TLL1: variants seen among roughly 807,000 people sequenced by gnomAD.
TLL1 encodes tolloid like 1, also known as tolloid-like protein 1.
Under a neutral mutation model 128.2 loss-of-function variants are expected in TLL1, and 49 were observed. The observed-to-expected ratio is 0.38, with a 90% CI of 0.30 to 0.48. The LOEUF (loss-of-function observed/expected upper bound fraction) is 0.48, where lower values mean the gene tolerates loss of function less well. Among genes scored for constraint, TLL1 ranks in the 20% least tolerant of loss-of-function variants. The pLI, the probability that TLL1 is intolerant of heterozygous loss-of-function variation, is 0.96. For missense variants in TLL1, 1,123 were observed against 1,242.0 expected, an observed-to-expected ratio of 0.90 and a Z score of 1.44; for synonymous variants, 454 against 418.8, an observed-to-expected ratio of 1.08 and a Z score of -1.03.
At chr4:165,969,527 C>G (rs1377283806) in intron 1 of TLL1, among the ~76,000 whole-genome samples, 1 of 151,998 alleles carries the variant, frequency 6.6e-6, no homozygotes, top group Non-Finnish European at 1.5e-5. Context: ...CGAATGGGTT[C>G]CAGTGTCTAG....
In TLL1 at chr4:166,103,862, C is replaced by A. The variant is rs1299610747; in HGVS notation, c.*2986C>A. On this transcript the variant is annotated 3_prime_UTR_variant, in exon 21 of 21. Coordinates refer to ENST00000061240, the MANE Select transcript of TLL1 (RefSeq NM_012464.5). ...CATAGAAAAAAAAAAAAACACTGTT[C>A]TCACTTGATTTTATTAAATTATTTT... is the stretch of plus-strand genomic sequence containing the variant. 1.4e-5 allele frequency: 2 copies of A among 147,846 alleles called. No individual in the cohort carries two copies. The highest frequency in any genetic ancestry group is 5.0e-5 in the African/African-American group (2 of 40,374). 9.2% of individuals were successfully genotyped at this position (147,846 alleles called of 1,614,324 possible). A position where few individuals can be genotyped will look rare whatever the true frequency, so the allele number is the denominator to read the frequency against.
At chr4:166,057,457 G>C in intron 14 of TLL1, 148 bp downstream of exon 14, 1 of 1,241,094 alleles carries the variant, frequency 8.1e-7, no homozygotes, top group Non-Finnish European at 1.1e-6. Context: ...AGTCACAGCT[G>C]ATGTGAAACC....
At chr4:165,978,676 G>A (rs1480164933) in intron 1 of TLL1, among the ~76,000 whole-genome samples, 1 of 152,082 alleles carries the variant, frequency 6.6e-6, no homozygotes, top group African/African-American at 2.4e-5. Flanking sequence ...TGTCTTTGTG[G>A]CTATGCCACC....
chr4:166,024,777 A>G (rs1031392613), intron 8 of TLL1, among the ~76,000 whole-genome samples: 2 of 152,112 alleles, frequency 1.3e-5, no homozygotes, highest in Non-Finnish European at 2.9e-5. Context: ...TGAATCTTCC[A>G]TGATGTTTAT....
intron 19 of TLL1, among the ~76,000 whole-genome samples, chr4:166,093,359 C>T (rs547170798): frequency 1.3e-5 from 2 of 152,254 alleles, no homozygotes; most frequent in South Asian, 4.1e-4. Context: ...CAATTAAGTT[C>T]AAGGGGAGGT....
intron 1 of TLL1, among the ~76,000 whole-genome samples, chr4:165,917,088 A>T (rs1021945466): frequency 1.3e-5 from 2 of 152,216 alleles, no homozygotes; most frequent in South Asian, 4.1e-4. Context: ...TTTTCAATTC[A>T]CAAGTACCTA....
intron 11 of TLL1, among the ~76,000 whole-genome samples, chr4:166,042,418 C>G (rs982151264): frequency 2.6e-5 from 4 of 152,146 alleles, no homozygotes; most frequent in African/African-American, 9.7e-5. Flanking sequence ...TTAATTGTTT[C>G]ATGATAGTTT....
At chr4:166,079,743 C>T (rs1218031562) in intron 18 of TLL1, among the ~76,000 whole-genome samples, 1 of 152,026 alleles carries the variant, frequency 6.6e-6, no homozygotes, top group Non-Finnish European at 1.5e-5. Context: ...TCATATAATT[C>T]ATCTGTGCCA....
At chr4:166,017,556 C>T (rs1196442321) in intron 8 of TLL1, among the ~76,000 whole-genome samples, 5 of 152,264 alleles carry the variant, frequency 3.3e-5, no homozygotes, top group East Asian at 3.9e-4. Flanking sequence ...TTCCTAACAA[C>T]AGTGTGTAAG....
At position 165,931,718 on chromosome 4, in the gene TLL1, C is replaced by CAAAAGAAAAAAAAAAA. The variant is rs1554007919; in HGVS notation, c.170-57648_170-57647insAAAAAGAAAAAAAAAA. ...TGGGCGACAGAGTAAGACTCTGTCT[C>CAAAAGAAAAAAAAAAA]AAAAGAAAAAAAAAAGAAATTGCAA... On this transcript the variant is annotated intron_variant, in intron 1 of 20. Coordinates refer to ENST00000061240, the MANE Select transcript of TLL1 (RefSeq NM_012464.5). Among the ~76,000 whole-genome samples the CAAAAGAAAAAAAAAAA allele has an allele frequency of 6.7e-5, 9 of 133,542 alleles. No homozygotes were observed. The South Asian group carries it at 7.7e-4, about 11-fold the overall frequency. 87.6% of individuals were successfully genotyped at this position (133,542 alleles called of 152,430 possible).
At chr4:165,889,053 A>G (rs1731280919) in intron 1 of TLL1, among the ~76,000 whole-genome samples, 1 of 152,200 alleles carries the variant, frequency 6.6e-6, no homozygotes, top group Non-Finnish European at 1.5e-5. Context: ...CTATTGATAC[A>G]TTCAGGGCTT....
intron 19 of TLL1, among the ~76,000 whole-genome samples, chr4:166,093,686 G>A (rs1335309472): frequency 2.6e-5 from 4 of 152,052 alleles, no homozygotes; most frequent in African/African-American, 4.8e-5. Flanking sequence ...CTCATCCCAC[G>A]ATGCCATATT....
chr4:165,892,364 T>C (rs534677046), intron 1 of TLL1, among the ~76,000 whole-genome samples: 1 of 152,326 alleles, frequency 6.6e-6, no homozygotes, highest in African/African-American at 2.4e-5. Flanking sequence ...TTTATGGCAA[T>C]GTACCTTTTA....
intron 1 of TLL1, among the ~76,000 whole-genome samples, chr4:165,979,369 A>G (rs1736035955): frequency 6.6e-6 from 1 of 152,148 alleles, no homozygotes. Context: ...GTGTGTAACA[A>G]ACATTATATA....
chr4:165,919,874 C>G (rs1267577410), intron 1 of TLL1: 2 of 454,974 alleles, frequency 4.4e-6, no homozygotes, highest in Admixed American at 4.7e-5. Context: ...AATGCCTGGG[C>G]TGCCCGAGCC....
intron 1 of TLL1, among the ~76,000 whole-genome samples, chr4:165,895,202 A>G (rs1731614894): frequency 6.6e-6 from 1 of 152,144 alleles, no homozygotes; most frequent in Admixed American, 6.6e-5. Flanking sequence ...ATTGGAAAGG[A>G]TAGAGCAAAA....
chr4:165,964,202 A>G (rs776446727), intron 1 of TLL1, among the ~76,000 whole-genome samples: 2 of 152,182 alleles, frequency 1.3e-5, no homozygotes, highest in Non-Finnish European at 2.9e-5. Flanking sequence ...TCTGTGATTT[A>G]CTGGCTGAAT....
intron 1 of TLL1, among the ~76,000 whole-genome samples, chr4:165,888,337 T>C (rs991704396): frequency 2.6e-5 from 4 of 152,184 alleles, no homozygotes; most frequent in African/African-American, 9.6e-5. Flanking sequence ...ATTTCACCAT[T>C]TAAAGTGGTA....
chr4:166,099,522 T>A lies in TLL1; in HGVS notation c.2902T>A (p.Ser968Thr), dbSNP rs779617909. 1 of 1,612,802 alleles carries A rather than the reference T, an allele frequency of 6.2e-7. No individual in the cohort carries two copies. The highest frequency in any genetic ancestry group is 1.7e-5 in the Admixed American group (1 of 59,828). The change falls in exon 20 of 21, where the codon TCC becomes ACC. Residue 968 changes from serine (S) to threonine (T), a missense_variant. Physicochemically the swap from Ser to Thr is moderately conservative, Grantham distance 58. Transcript: ENST00000061240. ...TGTGGGGCTTGGTCGATTCTGTGGATCCGGGGTAAATATACCACCAACAGA... is the reference window on the plus strand; with the variant it reads ...TGTGGGGCTTGGTCGATTCTGTGGAACCGGGGTAAATATACCACCAACAGA... ...TAVGLGRFCGSGPPEEIYSIG... is the reference protein window; with the variant it reads ...TAVGLGRFCGTGPPEEIYSIG...
Sources: allele counts gnomAD v4.1 joint callset (sites outside exome capture counted in the v4.1 genomes callset), GRCh38; gene constraint gnomAD v4.1.1; transcripts MANE v1.5; gene names NCBI Gene and HGNC (gene_info 2026-07-23, HGNC 2026-07-21).